PRKN: variants seen among roughly 807,000 people sequenced by gnomAD.
PRKN encodes the protein E3 ubiquitin-protein ligase parkin.
Under a neutral mutation model 59.5 loss-of-function variants are expected in PRKN, and 56 were observed. The ratio of observed to expected loss-of-function variants is 0.94; its 90% CI spans 0.76 to 1.18. The LOEUF (loss-of-function observed/expected upper bound fraction) is 1.18. Ranked by LOEUF, PRKN falls within the 50% of genes most tolerant of loss-of-function variation. The probability of loss-of-function intolerance (pLI) is 0.00; values close to 1 mark genes in which losing one functional copy is unlikely to be tolerated. For missense variants in PRKN, 657 were observed against 596.4 expected (o/e 1.10, Z -1.06); for synonymous variants, 250 against 222.1 (o/e 1.13, Z -1.12).
At chr6:162,232,821 C>T (rs970943261) in intron 3 of PRKN, among the ~76,000 whole-genome samples, 1 of 152,044 alleles carries the variant, frequency 6.6e-6, no homozygotes, top group Non-Finnish European at 1.5e-5. Flanking sequence ...AGTATCTGCA[C>T]AAAGCGTGGT....
chr6:162,459,017 G>A (rs113841198), intron 1 of PRKN, among the ~76,000 whole-genome samples: 29 of 152,018 alleles, frequency 1.9e-4, no homozygotes, highest in South Asian at 1.0e-3. Context: ...GACGGGATTC[G>A]CCTTGTTGGC....
At chr6:162,214,275 A>G (rs76423677) in intron 3 of PRKN, among the ~76,000 whole-genome samples, 6,031 of 152,198 alleles carry the variant, frequency 0.04, 174 homozygotes, top group Non-Finnish European at 0.056. Context: ...CAGCTGTACC[A>G]TCTTTTCTAT....
intron 7 of PRKN, among the ~76,000 whole-genome samples, chr6:161,683,871 C>T (rs752271862): frequency 6.6e-6 from 1 of 152,076 alleles, no homozygotes; most frequent in Non-Finnish European, 1.5e-5. Context: ...AGACAGCTGC[C>T]ATGATTTAAA....
chr6:162,716,544 A>T (rs1240251717), intron 1 of PRKN, among the ~76,000 whole-genome samples: 3 of 152,170 alleles, frequency 2.0e-5, no homozygotes, highest in Non-Finnish European at 2.9e-5. Flanking sequence ...CTGTTATGTG[A>T]AGTGGTATCT....
chr6:162,435,916 A>G (rs1789744615), intron 2 of PRKN, among the ~76,000 whole-genome samples: 1 of 152,136 alleles, frequency 6.6e-6, no homozygotes, highest in South Asian at 2.1e-4. Flanking sequence ...GAATTCTTTT[A>G]TATACAAACA....
At chr6:162,235,961 G>GAAAGAAAGAAAGAAAGAAAGAA (rs1778661085) in intron 3 of PRKN, among the ~76,000 whole-genome samples, 1 of 54,356 alleles carries the variant, frequency 1.8e-5, no homozygotes, top group African/African-American at 9.0e-5. Flanking sequence ...AAGAAAGGAA[G>GAAAGAAAGAAAGAAAGAAAGAA]AAAGAAAGAA....
chr6:161,827,617 T>C (rs1583214763), intron 6 of PRKN, among the ~76,000 whole-genome samples: 1 of 151,554 alleles, frequency 6.6e-6, no homozygotes, highest in Non-Finnish European at 1.5e-5. Flanking sequence ...AAGCAATTCT[T>C]GTGCCTCAGC....
At chr6:162,300,954 A>G (rs922858272) in intron 2 of PRKN, among the ~76,000 whole-genome samples, 7 of 151,964 alleles carry the variant, frequency 4.6e-5, no homozygotes. Flanking sequence ...ACATCCACAG[A>G]CATGCACTAA....
At position 161,410,133 on chromosome 6, in the gene PRKN, TGAA is replaced by T. The variant is rs1787456990; in HGVS notation, c.1084-23259_1084-23257del. ...ACTTTTTTTGAGTGTCTGCTGCCCTTGAAGAAGGGGATGGGGAAGGATTGCATA... is the reference window on the plus strand; with the variant it reads ...ACTTTTTTTGAGTGTCTGCTGCCCTTGAAGGGGATGGGGAAGGATTGCATA... On this transcript the variant is annotated intron_variant, in intron 9 of 11. Transcript: ENST00000366898. The surrounding 1 kb of genome is among the most constrained non-coding windows in gnomAD (Gnocchi z 5.3). 6.6e-6 allele frequency among the ~76,000 whole-genome samples: 1 copy of T among 152,010 alleles called. No homozygotes were observed. The highest frequency in any genetic ancestry group is 1.5e-5 in the Non-Finnish European group (1 of 68,008).
At chr6:161,929,800 A>T (rs188500157) in intron 6 of PRKN, among the ~76,000 whole-genome samples, 25 of 152,268 alleles carry the variant, frequency 1.6e-4, no homozygotes, top group Non-Finnish European at 2.9e-4. Context: ...GGCATGAGCC[A>T]CCATGCCTGG....
intron 6 of PRKN, among the ~76,000 whole-genome samples, chr6:161,879,565 C>A (rs144495181): frequency 2.0e-5 from 3 of 152,206 alleles, no homozygotes; most frequent in African/African-American, 4.8e-5. Context: ...CCAGGATGGT[C>A]TCGATCTCCT....
chr6:162,026,593 C>T (rs1783444442), intron 5 of PRKN, among the ~76,000 whole-genome samples: 1 of 152,202 alleles, frequency 6.6e-6, no homozygotes, highest in East Asian at 1.9e-4. Flanking sequence ...AGCTATATTA[C>T]TTAGAAAAAT....
chr6:162,633,458 A>T, intron 1 of PRKN, among the ~76,000 whole-genome samples: 1 of 147,514 alleles, frequency 6.8e-6, no homozygotes, highest in South Asian at 2.2e-4. Flanking sequence ...AAAAAAAAAA[A>T]GGATCCATTT....
intron 3 of PRKN, among the ~76,000 whole-genome samples, chr6:162,214,985 T>G (rs533741265): frequency 2.6e-5 from 4 of 152,292 alleles, no homozygotes; most frequent in African/African-American, 7.2e-5. Flanking sequence ...CCTTTATCCC[T>G]GCTAACAGCA....
At chr6:162,294,235 G>A (rs1012679689) in intron 2 of PRKN, among the ~76,000 whole-genome samples, 55 of 152,192 alleles carry the variant, frequency 3.6e-4, no homozygotes, top group African/African-American at 1.2e-3. Flanking sequence ...CCAAGTACCC[G>A]AGCCAAAAGC....
rs1257758665 is a variant in PRKN, at chr6:161,774,392, A to G, written c.871+11380T>C. Among the ~76,000 whole-genome samples the G allele has an allele frequency of 4.4e-3, 412 of 94,172 alleles. 4 individuals are homozygous for G. The highest frequency in any genetic ancestry group is 0.019 in the South Asian group (53 of 2,796). The allele number at this position is 94,172 out of a possible 152,430, so 61.8% of individuals were successfully genotyped here. ...CTTTCTACTCCCTGAGCACACACAC[A>G]CACACACACACACACACACACACAC... On this transcript the variant is annotated intron_variant, in intron 7 of 11. Coordinates refer to ENST00000366898, the MANE Select transcript of PRKN (RefSeq NM_004562.3).
At chr6:161,416,183 G>T (rs1787840521) in intron 9 of PRKN, among the ~76,000 whole-genome samples, 2 of 152,102 alleles carry the variant, frequency 1.3e-5, no homozygotes, top group Admixed American at 6.6e-5. Flanking sequence ...ACACCTTTTG[G>T]TTCGTGTATT....
At chr6:161,647,343 C>T (rs900388127) in intron 7 of PRKN, among the ~76,000 whole-genome samples, 5 of 152,200 alleles carry the variant, frequency 3.3e-5, no homozygotes, top group South Asian at 2.1e-4. Context: ...AGCATCTCGT[C>T]GACAGGCGTG....
At chr6:161,591,047 T>A (rs961622019) in intron 7 of PRKN, among the ~76,000 whole-genome samples, 1 of 152,162 alleles carries the variant, frequency 6.6e-6, no homozygotes. Flanking sequence ...TGTGGTTACA[T>A]AACAGATTAC....
Sources: gnomAD v4.1 joint callset for allele counts (sites outside exome capture counted in the v4.1 genomes callset) on GRCh38, gnomAD v4.1.1 for gene constraint, Gnocchi (gnomAD v3.1) non-coding constraint, MANE v1.5 for transcripts, NCBI Gene and HGNC (gene_info 2026-07-23, HGNC 2026-07-21) for gene names.